RP1: variants seen among roughly 807,000 people sequenced by gnomAD.
RP1 encodes oxygen-regulated protein 1.
Under a neutral mutation model 14.8 loss-of-function variants are expected in RP1, and 16 were observed. The ratio of observed to expected loss-of-function variants is 1.08; its 90% CI spans 0.73 to 1.65. The LOEUF (loss-of-function observed/expected upper bound fraction) is 1.65, where lower values mean the gene tolerates loss of function less well. Among genes scored for constraint, RP1 ranks in the 40% most tolerant of loss-of-function variants. The pLI, the probability that RP1 is intolerant of heterozygous loss-of-function variation, is 0.00. For synonymous variants in RP1, 876 were observed against 883.6 expected, an observed-to-expected ratio of 0.99 and a Z score of 0.15; for missense variants, 2,631 against 2,535.0, an observed-to-expected ratio of 1.04 and a Z score of -0.81.
chr8:54,644,811 G>C (rs1806515118), intron 3 of RP1, among the ~76,000 whole-genome samples: 1 of 152,138 alleles, frequency 6.6e-6, no homozygotes, highest in African/African-American at 2.4e-5. Flanking sequence ...CAGCAGAATT[G>C]GTTCCTTTGA....
At chr8:54,771,649 A>G (rs1021205173), downstream of RP1, among the ~76,000 whole-genome samples, 1 of 152,042 alleles carries the variant, frequency 6.6e-6, no homozygotes, top group East Asian at 1.9e-4. Context: ...AAGACTAATG[A>G]GTTTGGTTAG....
chr8:54,812,805 CTA>C (rs1250572089), intron 24 of RP1, among the ~76,000 whole-genome samples: 7,703 of 139,542 alleles, frequency 0.055, 212 homozygotes, highest in Admixed American at 0.064. Context: ...ATCTATCTAT[CTA>C]TCTCTCCGTC....
chr8:54,658,124 C>T (rs548970319), intron 6 of RP1, among the ~76,000 whole-genome samples: 1 of 152,328 alleles, frequency 6.6e-6, no homozygotes, highest in East Asian at 1.9e-4. Flanking sequence ...TTTCTACTTT[C>T]TGTTTCTATG....
rs1184356401 is a variant in RP1 at position 54,706,498 on chromosome 8, T to C, written c.2054T>C (p.Leu685Pro). 11 of 1,535,896 alleles carry C rather than the reference T, an allele frequency of 7.2e-6. No individual in the cohort carries two copies. In the Admixed American group the frequency reaches 1.6e-4, roughly 22 times the overall value. ...CTTGCTACAAGCCTGTGTCAGGCCCTGTGTCTCCAGCCTGATGGAAGCTGC... is the reference window on the plus strand; with the variant it reads ...CTTGCTACAAGCCTGTGTCAGGCCCCGTGTCTCCAGCCTGATGGAAGCTGC... The change falls in exon 15 of 23, where the codon CTG (leucine) becomes CCG (proline). Residue 685 changes from leucine (L) to proline (P), a missense_variant. Coordinates refer to the RP1 transcript ENST00000636932.
chr8:54,716,749 G>T (rs1365018061), intron 15 of RP1, among the ~76,000 whole-genome samples: 1 of 152,144 alleles, frequency 6.6e-6, no homozygotes, highest in Non-Finnish European at 1.5e-5. Context: ...CTGCGGAGAA[G>T]CTAGGAAGCT....
intron 1 of RP1, among the ~76,000 whole-genome samples, chr8:54,603,233 T>C (rs965351321): frequency 1.3e-5 from 2 of 152,038 alleles, no homozygotes; most frequent in African/African-American, 2.4e-5. Flanking sequence ...AAGGAAGGGA[T>C]CCTGTTTCAG....
chr8:54,738,015 C>A (rs1808978804), intron 18 of RP1, among the ~76,000 whole-genome samples: 1 of 152,096 alleles, frequency 6.6e-6, no homozygotes, highest in South Asian at 2.1e-4. Flanking sequence ...GTTCAGTGTC[C>A]TGGACATATT....
chr8:54,744,390 GC>G (rs779556032), intron 19 of RP1, among the ~76,000 whole-genome samples: 11 of 152,302 alleles, frequency 7.2e-5, no homozygotes, highest in Non-Finnish European at 1.6e-4. Flanking sequence ...GAGTCAGAGA[GC>G]CCCGAAGGGA....
intron 22 of RP1, among the ~76,000 whole-genome samples, chr8:54,762,359 G>C (rs983882584): frequency 3.3e-5 from 5 of 152,128 alleles, no homozygotes; most frequent in Admixed American, 3.3e-4. Flanking sequence ...GAGACTGCTT[G>C]TATGCATCAC....
intron 1 of RP1, among the ~76,000 whole-genome samples, chr8:54,575,061 A>G (rs2129294388): frequency 6.6e-6 from 1 of 152,360 alleles, no homozygotes; most frequent in East Asian, 1.9e-4. Flanking sequence ...TTGACTCAAC[A>G]CAAATAATAA....
chr8:54,641,111 A>AT (rs1230349700), intron 3 of RP1, among the ~76,000 whole-genome samples: 3 of 151,696 alleles, frequency 2.0e-5, no homozygotes, highest in Non-Finnish European at 2.9e-5. Context: ...CGCCTGGCTA[A>AT]TTTTTTGTAC....
At chr8:54,650,049 T>C (rs985362196) in intron 4 of RP1, among the ~76,000 whole-genome samples, 3 of 152,240 alleles carry the variant, frequency 2.0e-5, no homozygotes, top group Non-Finnish European at 4.4e-5. Context: ...GTTTTACTAT[T>C]TTAGTGTTTC....
At chr8:54,744,260 G>A (rs1484648772) in intron 19 of RP1, among the ~76,000 whole-genome samples, 2 of 152,158 alleles carry the variant, frequency 1.3e-5, no homozygotes, top group Non-Finnish European at 2.9e-5. Context: ...TGTGGAGGAA[G>A]TTCCCTCCAG....
chr8:54,682,691 A>C (rs779259800), intron 12 of RP1, among the ~76,000 whole-genome samples: 8 of 151,726 alleles, frequency 5.3e-5, no homozygotes, highest in Non-Finnish European at 1.0e-4. Context: ...GTAGACTCTG[A>C]ATATTAGACC....
At chr8:54,581,887 A>G (rs764489305) in intron 1 of RP1, among the ~76,000 whole-genome samples, 4 of 152,168 alleles carry the variant, frequency 2.6e-5, no homozygotes, top group Non-Finnish European at 5.9e-5. Flanking sequence ...AGTTCATTGT[A>G]GATTCTGGAC....
chr8:54,683,034 A>G (rs1288257410), intron 12 of RP1, among the ~76,000 whole-genome samples: 1 of 152,162 alleles, frequency 6.6e-6, no homozygotes, highest in Non-Finnish European at 1.5e-5. Flanking sequence ...CAGTTTTCCC[A>G]ACACCATTTG....
At chr8:54,864,886 T>C (rs1812425648) in intron 27 of RP1, among the ~76,000 whole-genome samples, 1 of 152,190 alleles carries the variant, frequency 6.6e-6, no homozygotes, top group African/African-American at 2.4e-5. Flanking sequence ...GATTTTCATG[T>C]AAAACACTTT....
intron 1 of RP1, among the ~76,000 whole-genome samples, chr8:54,585,513 C>T (rs962781397): frequency 6.6e-6 from 1 of 152,132 alleles, no homozygotes; most frequent in African/African-American, 2.4e-5. Flanking sequence ...TTGTGGCGTT[C>T]TCTGTATTTC....
intron 1 of RP1, among the ~76,000 whole-genome samples, chr8:54,584,581 G>C (rs1449284874): frequency 6.6e-6 from 1 of 152,170 alleles, no homozygotes; most frequent in East Asian, 1.9e-4. Flanking sequence ...TAGTTGATCT[G>C]TCTGATGTTG....
Sources: gnomAD v4.1 joint callset for allele counts (sites outside exome capture counted in the v4.1 genomes callset) on GRCh38, gnomAD v4.1.1 for gene constraint, MANE v1.5 for transcripts, NCBI Gene and HGNC (gene_info 2026-07-23, HGNC 2026-07-21) for gene names.